TMEM132D: variants seen among roughly 807,000 people sequenced by gnomAD.
TMEM132D encodes the protein mature OL transmembrane protein.
Under a neutral mutation model 62.3 loss-of-function variants are expected in TMEM132D, and 21 were observed. The observed-to-expected ratio is 0.34, with a 90% CI of 0.24 to 0.49. The LOEUF (loss-of-function observed/expected upper bound fraction) is 0.49. Ranked by LOEUF, TMEM132D falls within the 20% of genes least tolerant of loss-of-function variation. The probability of loss-of-function intolerance (pLI) is 0.99; values close to 1 mark genes in which losing one functional copy is unlikely to be tolerated. For synonymous variants in TMEM132D, 621 were observed against 575.6 expected (o/e 1.08, Z -1.13); for missense variants, 1,346 against 1,402.8 (o/e 0.96, Z 0.65).
intron 1 of TMEM132D, among the ~76,000 whole-genome samples, chr12:129,854,194 T>G (rs1873639361): frequency 6.6e-6 from 1 of 152,198 alleles, no homozygotes; most frequent in African/African-American, 2.4e-5. Flanking sequence ...CAGTGGTCCC[T>G]GGGGACACAA....
At chr12:129,697,050 G>T (rs536600401) in intron 2 of TMEM132D, among the ~76,000 whole-genome samples, 90 of 152,262 alleles carry the variant, frequency 5.9e-4, no homozygotes, top group African/African-American at 8.9e-4. Flanking sequence ...TGCTTCAGCC[G>T]TCGCATGCCC....
At chr12:129,387,719 T>G (rs1049535183) in intron 3 of TMEM132D, among the ~76,000 whole-genome samples, 18 of 146,760 alleles carry the variant, frequency 1.2e-4, no homozygotes, top group African/African-American at 2.3e-4. Context: ...ATGATAATAT[T>G]AACACCAACA....
At chr12:129,353,488 C>G (rs75145958) in intron 3 of TMEM132D, among the ~76,000 whole-genome samples, 2,796 of 152,224 alleles carry the variant, frequency 0.018, 81 homozygotes, top group African/African-American at 0.061. Context: ...GCCAGCCCCC[C>G]TCTTCTCCTC....
chr12:129,457,806 T>C (rs1383397321), intron 3 of TMEM132D, among the ~76,000 whole-genome samples: 1 of 152,130 alleles, frequency 6.6e-6, no homozygotes, highest in African/African-American at 2.4e-5. Context: ...TCACTCACTA[T>C]CATGAGAACA....
chr12:129,153,959 G>A (rs567300297), intron 5 of TMEM132D, among the ~76,000 whole-genome samples: 1 of 152,300 alleles, frequency 6.6e-6, no homozygotes, highest in East Asian at 1.9e-4. Flanking sequence ...TGAGGCTTTT[G>A]TCCATTCCAG....
rs1445209417 is a variant in TMEM132D at position 129,389,087 on chromosome 12, A to G, written c.1116-51270T>C. On this transcript the variant is annotated intron_variant, in intron 3 of 8. Coordinates refer to ENST00000422113, the MANE Select transcript of TMEM132D (RefSeq NM_133448.3). ...AATATAAACACTAACACCGACACCAATGCTAACACCGACACCAATCCAGCA... is the reference window on the plus strand; with the variant it reads ...AATATAAACACTAACACCGACACCAGTGCTAACACCGACACCAATCCAGCA... 1.7e-5 allele frequency among the ~76,000 whole-genome samples: 2 copies of G among 118,968 alleles called. 1 individual carries two copies. The highest frequency in any genetic ancestry group is 4.0e-5 in the Non-Finnish European group (2 of 50,044). 78.0% of individuals were successfully genotyped at this position (118,968 alleles called of 152,430 possible).
intron 5 of TMEM132D, among the ~76,000 whole-genome samples, chr12:129,185,773 G>GTGTCTGTCTGTCTGTCTA (rs1555235286): frequency 7.4e-6 from 1 of 135,924 alleles, no homozygotes; most frequent in East Asian, 2.4e-4. Flanking sequence ...CTGTCTGTCT[G>GTGTCTGTCTGTCTGTCTA]TCTATCTATC....
chr12:129,767,737 T>A (rs1346856674), intron 1 of TMEM132D, among the ~76,000 whole-genome samples: 1 of 152,256 alleles, frequency 6.6e-6, no homozygotes, highest in South Asian at 2.1e-4. Flanking sequence ...CATTCATCCA[T>A]CAATGGATAC....
intron 4 of TMEM132D, among the ~76,000 whole-genome samples, chr12:129,266,628 C>G (rs1880703566): frequency 6.7e-6 from 1 of 148,788 alleles, no homozygotes; most frequent in African/African-American, 2.5e-5. Context: ...CCTCTCCTCT[C>G]TCTGTGCCCT....
intron 5 of TMEM132D, among the ~76,000 whole-genome samples, chr12:129,164,743 A>G (rs756251531): frequency 6.6e-6 from 1 of 152,300 alleles, no homozygotes; most frequent in East Asian, 1.9e-4. Context: ...CAGTATCACA[A>G]GAACAACATG....
chr12:129,868,194 G>A (rs1230652521), intron 1 of TMEM132D, among the ~76,000 whole-genome samples: 1 of 151,436 alleles, frequency 6.6e-6, no homozygotes, highest in Non-Finnish European at 1.5e-5. Context: ...GACAGCATTT[G>A]TATGGTACAC....
At chr12:129,480,211 G>A (rs1231008431) in intron 3 of TMEM132D, among the ~76,000 whole-genome samples, 1 of 152,258 alleles carries the variant, frequency 6.6e-6, no homozygotes, top group Non-Finnish European at 1.5e-5. Flanking sequence ...GGGAGAGGAA[G>A]AAGGTGCATG....
At chr12:129,718,707 A>G (rs1396307266) in intron 1 of TMEM132D, among the ~76,000 whole-genome samples, 1 of 152,200 alleles carries the variant, frequency 6.6e-6, no homozygotes, top group Non-Finnish European at 1.5e-5. Flanking sequence ...TAAAAAAATG[A>G]TAACCCAGCA....
At chr12:129,480,928 G>A (rs1335254632) in intron 3 of TMEM132D, among the ~76,000 whole-genome samples, 1 of 152,140 alleles carries the variant, frequency 6.6e-6, no homozygotes, top group African/African-American at 2.4e-5. Context: ...CAGAGTTTTG[G>A]AGACAACCCG....
chr12:129,394,280 C>T (rs950403291), intron 3 of TMEM132D, among the ~76,000 whole-genome samples: 4 of 152,140 alleles, frequency 2.6e-5, no homozygotes, highest in East Asian at 3.9e-4. Flanking sequence ...GTCCACTGTT[C>T]CCGTCAATAC....
intron 1 of TMEM132D, among the ~76,000 whole-genome samples, chr12:129,801,368 G>A (rs1183184293): frequency 4.4e-5 from 6 of 137,792 alleles, no homozygotes; most frequent in Non-Finnish European, 8.1e-5. Context: ...TGCCTCAAGT[G>A]GGTCCCTGAC....
chr12:129,235,122 C>T (rs1010481003), intron 4 of TMEM132D, among the ~76,000 whole-genome samples: 1 of 152,182 alleles, frequency 6.6e-6, no homozygotes, highest in African/African-American at 2.4e-5. Context: ...CACAGTACAC[C>T]AGCCTCCGCT....
At chr12:129,199,299 G>A (rs11060194) in intron 5 of TMEM132D, among the ~76,000 whole-genome samples, 28,350 of 151,712 alleles carry the variant, frequency 0.19, 3,371 homozygotes, top group East Asian at 0.5. Flanking sequence ...ATAGGGTTTC[G>A]CCATGTTGCT....
intron 5 of TMEM132D, among the ~76,000 whole-genome samples, chr12:129,172,780 G>C (rs1220833745): frequency 2.0e-5 from 3 of 152,146 alleles, no homozygotes; most frequent in Non-Finnish European, 4.4e-5. Context: ...GTTTCTCTAT[G>C]TTGGTCAGGC....
Sources: allele counts gnomAD v4.1 joint callset (sites outside exome capture counted in the v4.1 genomes callset), GRCh38; gene constraint gnomAD v4.1.1; transcripts MANE v1.5; gene names NCBI Gene and HGNC (gene_info 2026-07-23, HGNC 2026-07-21).